The following EFCAB3 variants were observed in gnomAD, a reference collection of about 807,000 sequenced individuals.
EFCAB3 encodes EF-hand calcium-binding domain-containing protein 3.
EFCAB3 carries 36 observed loss-of-function variants against 42.2 expected under a neutral mutation model. The ratio of observed to expected loss-of-function variants is 0.85; its 90% confidence interval spans 0.65 to 1.13. The LOEUF (loss-of-function observed/expected upper bound fraction) is 1.13, where lower values mean the gene tolerates loss of function less well. Ranked by LOEUF, EFCAB3 falls within the 50% of genes most tolerant of loss-of-function variation. EFCAB3 has a pLI of 0.00. For missense variants in EFCAB3, 418 were observed against 505.1 expected (o/e 0.83, Z 1.65); for synonymous variants, 170 against 172.8 (o/e 0.98, Z 0.13).
At chr17:62,386,467 T>TA (rs60085815) in intron 2 of EFCAB3, among the ~76,000 whole-genome samples, 329 of 146,204 alleles carry the variant, frequency 2.3e-3, no homozygotes, top group Non-Finnish European at 2.8e-3. Flanking sequence ...GTAAAAGTTG[T>TA]AAAAAAAAAA....
At chr17:62,380,375 CA>C (rs1398902458), upstream of EFCAB3, among the ~76,000 whole-genome samples, 1 of 152,132 alleles carries the variant, frequency 6.6e-6, no homozygotes, top group African/African-American at 2.4e-5. Context: ...CCTGAAATTC[CA>C]ACAGTGTCAA....
At chr17:62,394,930 A>T in intron 5 of EFCAB3, 138 bp from the exon 6 acceptor site, 1 of 1,184,274 alleles carries the variant, frequency 8.4e-7, no homozygotes, top group South Asian at 1.9e-5. Flanking sequence ...CTTTCTACCA[A>T]ATAGAACAGA....
upstream of EFCAB3, among the ~76,000 whole-genome samples, chr17:62,378,223 C>T (rs934974194): frequency 6.6e-6 from 1 of 152,198 alleles, no homozygotes; most frequent in Non-Finnish European, 1.5e-5. Context: ...CACACTGAAT[C>T]ACATGTGATT....
At position 62,414,583 on chromosome 17, in the gene EFCAB3, T is replaced by TTGTGTG. The variant is rs4058759; in HGVS notation, c.990+753_990+758dup. 8.9e-4 allele frequency among the ~76,000 whole-genome samples: 133 copies of TTGTGTG among 148,808 alleles called. No individual in the cohort carries two copies. The Middle Eastern group carries it at 0.01, about 12-fold the overall frequency. On this transcript the variant is annotated intron_variant, in intron 9 of 9. Transcript: ENST00000305286. ...TATCTCAGGTGTTTGTTTGTTTGTT[T>TTGTGTG]TGTGTGTGTGTGTGTGTGTGTGTGT...
upstream of EFCAB3, among the ~76,000 whole-genome samples, chr17:62,377,377 T>C (rs958118374): frequency 6.6e-6 from 1 of 152,064 alleles, no homozygotes; most frequent in Non-Finnish European, 1.5e-5. Context: ...ATAGCCACAC[T>C]TTTTTCCTGA....
intron 2 of EFCAB3, among the ~76,000 whole-genome samples, chr17:62,383,511 T>C (rs2070222276): frequency 6.6e-6 from 1 of 152,112 alleles, no homozygotes; most frequent in Non-Finnish European, 1.5e-5. Context: ...TCATAAAGAT[T>C]ATGATGAAAC....
At chr17:62,414,092 T>C (rs1384472166) in intron 9 of EFCAB3, among the ~76,000 whole-genome samples, 2 of 152,254 alleles carry the variant, frequency 1.3e-5, no homozygotes, top group Non-Finnish European at 2.9e-5. Context: ...ATACTCACTG[T>C]TATTTCTGGG....
At chr17:62,381,972 C>A in intron 1 of EFCAB3, 1 of 285,844 alleles carries the variant, frequency 3.5e-6, no homozygotes, top group South Asian at 3.8e-5. Flanking sequence ...GAGGAGGTGT[C>A]CAAAGAGTCA....
chr17:62,370,481 C>T (rs2070106900), intron 1 of EFCAB3, among the ~76,000 whole-genome samples: 3 of 152,002 alleles, frequency 2.0e-5, no homozygotes, highest in Admixed American at 2.0e-4. Context: ...ACAGTGGAAC[C>T]TCGTCTTTAC....
In EFCAB3 at chr17:62,416,020, T is replaced by C; in HGVS notation, c.1008T>C (p.Asp336=). 6.2e-7 allele frequency: 1 copy of C among 1,612,818 alleles called. No homozygotes were observed. Among genetic ancestry groups the C allele is most frequent in the South Asian group, 1.1e-5 (1 of 90,886 alleles). The change falls in exon 10 of 10, where the codon GAT becomes GAC. Residue 336 remains aspartate, a synonymous_variant. Transcript: ENST00000305286. ...AIKQHVKRAT[D]TYNLGIALEH... ...CACTGCAGGTGAAGAGAGCTACTGA[T>C]ACCTATAATTTAGGAATTGCCCTTG...
intron 1 of EFCAB3, among the ~76,000 whole-genome samples, chr17:62,372,497 G>C (rs1421132931): frequency 1.3e-5 from 2 of 151,972 alleles, no homozygotes; most frequent in South Asian, 2.1e-4. Flanking sequence ...GCCCAGGCTG[G>C]TCTCCAACTC....
rs540263321 is a variant in EFCAB3 at position 62,394,222 on chromosome 17, G to T, written c.367+578G>T. Among the ~76,000 whole-genome samples the T allele has an allele frequency of 2.6e-5, 4 of 152,260 alleles. No individual in the cohort carries two copies. In the East Asian group the frequency reaches 7.7e-4, roughly 29 times the overall value. On this transcript the variant is annotated intron_variant, in intron 5 of 9. Coordinates refer to ENST00000305286, the MANE Select transcript of EFCAB3 (RefSeq NM_173503.4). ...CCCGCCTTGGCCTCCCAAAGTGCTG[G>T]GATTACAGGCGTGAGCCACCACGCC... is the stretch of plus-strand genomic sequence containing the variant.
At chr17:62,407,331 C>T (rs1461658357) in intron 8 of EFCAB3, 119 bp downstream of exon 8, 2 of 872,202 alleles carry the variant, frequency 2.3e-6, no homozygotes. Context: ...AAAGCAGATG[C>T]CATAACCATG....
chr17:62,381,449 A>G (rs1324362670), intron 1 of EFCAB3, among the ~76,000 whole-genome samples: 1 of 152,006 alleles, frequency 6.6e-6, no homozygotes, highest in African/African-American at 2.4e-5. Context: ...AAGCCCTACC[A>G]ACCCAGCTTC....
At chr17:62,410,542 C>T (rs978142285) in intron 8 of EFCAB3, among the ~76,000 whole-genome samples, 26 of 151,558 alleles carry the variant, frequency 1.7e-4, no homozygotes, top group African/African-American at 4.9e-4. Context: ...TTGCTTGAGC[C>T]GAGGAATTCG....
intron 1 of EFCAB3, among the ~76,000 whole-genome samples, chr17:62,381,267 C>T (rs1432994890): frequency 1.3e-5 from 2 of 151,032 alleles, no homozygotes; most frequent in South Asian, 2.1e-4. Context: ...TTTGTCCTTG[C>T]GATAGTTTGC....
chr17:62,370,458 T>G (rs936065550), intron 1 of EFCAB3: 3 of 807,784 alleles, frequency 3.7e-6, no homozygotes, highest in African/African-American at 1.7e-5. Context: ...AGTTCGAGAC[T>G]AGCCTGATCA....
At chr17:62,391,782 T>C in intron 3 of EFCAB3, 40 bp from the exon 4 acceptor site, 1 of 1,605,220 alleles carries the variant, frequency 6.2e-7, no homozygotes, top group East Asian at 2.2e-5. Flanking sequence ...GTACTTCTTC[T>C]TGAACAACTG....
chr17:62,415,806 C>T (rs554637762), intron 9 of EFCAB3, among the ~76,000 whole-genome samples, 197 bp from the exon 10 acceptor site: 7 of 152,184 alleles, frequency 4.6e-5, no homozygotes, highest in African/African-American at 1.7e-4. Context: ...TTCTTATTAC[C>T]TCATTATTCC....
Sources: gnomAD v4.1 joint callset for allele counts (sites outside exome capture counted in the v4.1 genomes callset) on GRCh38, gnomAD v4.1.1 for gene constraint, MANE v1.5 for transcripts, NCBI Gene and HGNC (gene_info 2026-07-23, HGNC 2026-07-21) for gene names.